The following USF2 variants were observed in gnomAD, a reference collection of about 807,000 sequenced individuals.
USF2 encodes the protein upstream stimulatory factor 2.
A neutral mutation model predicts 46.9 loss-of-function variants in USF2; 16 were observed. That is an observed-to-expected ratio of 0.34 (90% CI 0.23 to 0.52). USF2 has a LOEUF of 0.52. Ranked by LOEUF, USF2 falls within the 20% of genes least tolerant of loss-of-function variation. The pLI is 0.96. For missense variants in USF2, 411 were observed against 474.0 expected (o/e 0.87, Z 1.23); for synonymous variants, 239 against 194.1 (o/e 1.23, Z -1.92).
chr19:35,272,752 G>A (rs2066175082), intron 7 of USF2, among the ~76,000 whole-genome samples: 4 of 151,978 alleles, frequency 2.6e-5, no homozygotes, highest in Admixed American at 6.6e-5. Flanking sequence ...GGGGTTGGGG[G>A]AAATGTGGGG....
chr19:35,270,687 C>T, intron 5 of USF2, 31 bp from the exon 6 acceptor site: 2 of 1,613,404 alleles, frequency 1.2e-6, no homozygotes, highest in Non-Finnish European at 1.7e-6. Flanking sequence ...CTTCACCCTG[C>T]CTTGCCACTA....
chr19:35,270,516 T>C lies in USF2; in HGVS notation c.499T>C (p.Phe167Leu), dbSNP rs1203870304. 1 of 1,614,124 alleles carries C rather than the reference T, an allele frequency of 6.2e-7. No homozygotes were observed. Among genetic ancestry groups the C allele is most frequent in the Admixed American group, 1.7e-5 (1 of 60,020 alleles). ...AAEAVSGEARFAYFPASSVGD... is the reference protein window; with the variant it reads ...AAEAVSGEARLAYFPASSVGD... ...CGAGGCTGTCAGCGGGGAGGCACGA[T>C]TTGCCTATTTCCCAGCGTCCAGTGT... The change falls in exon 5 of 10, where the codon TTT becomes CTT. Residue 167 changes from phenylalanine (F) to leucine (L), a missense_variant. By Grantham distance (22) the Phe-to-Leu change is conservative. Transcript: ENST00000222305.
chr19:35,269,766 C>T (rs1408266020), intron 3 of USF2, 37 bp from the exon 4 acceptor site: 4 of 1,489,810 alleles, frequency 2.7e-6, no homozygotes, highest in Non-Finnish European at 3.6e-6. Flanking sequence ...CGGACCTGGC[C>T]CCAGCGCCGG....
rs1462276403 is a variant in USF2 at position 35,279,388 on chromosome 19, A to C, written c.*132A>C. The C allele has an allele frequency of 2.9e-6, 3 of 1,051,998 alleles. No homozygotes were observed. Among genetic ancestry groups the C allele is most frequent in the African/African-American group, 1.7e-5 (1 of 60,082 alleles). The allele number at this position is 1,051,998 out of a possible 1,614,324, so 65.2% of individuals were successfully genotyped here. ...TTTTATAGTAGATTTTTAACAAAAA[A>C]CGGGGAGAAATAATGCATTTCTGTG... On this transcript the variant is annotated 3_prime_UTR_variant, in exon 10 of 10. Coordinates refer to ENST00000222305, the MANE Select transcript of USF2 (RefSeq NM_003367.4).
Position 35,269,716 on chromosome 19 carries a change from G to A in USF2, c.228+17G>A. ...GGAGGACAGGTGAGCGGCGGGCCGCGAGGGCGAACGGGCGGGCGGGCGGGC... is the reference window on the plus strand; with the variant it reads ...GGAGGACAGGTGAGCGGCGGGCCGCAAGGGCGAACGGGCGGGCGGGCGGGC... On this transcript the variant is annotated intron_variant, in intron 3 of 9. Coordinates refer to ENST00000222305, the MANE Select transcript of USF2 (RefSeq NM_003367.4). The A allele has an allele frequency of 1.5e-6, 2 of 1,374,360 alleles. No homozygotes were observed. Among genetic ancestry groups the A allele is most frequent in the Non-Finnish European group, 1.9e-6 (2 of 1,042,004 alleles). The allele number at this position is 1,374,360 out of a possible 1,614,324, so 85.1% of individuals were successfully genotyped here. A position where few individuals can be genotyped will look rare whatever the true frequency, so the allele number is the denominator to read the frequency against.
rs202123052 is a variant in USF2 at position 35,278,735 on chromosome 19, C to T, written c.765C>T (p.Ile255=). ...GGAGGGACAAGATCAACAACTGGAT[C>T]GTCCAGCTTTCGAAAATCATTCCAG... The part of the protein sequence containing the change: ...RRRRDKINNW[I]VQLSKIIPDC... Residue 255 remains isoleucine, a synonymous_variant, in exon 8 of 10, where the codon ATC becomes ATT. Transcript: ENST00000222305. 1.1e-4 allele frequency: 177 copies of T among 1,614,036 alleles called. No individual in the cohort carries two copies. Among genetic ancestry groups the T allele is most frequent in the Non-Finnish European group, 1.4e-4 (169 of 1,180,024 alleles).
chr19:35,278,649 C>G, intron 7 of USF2, 49 bp from the exon 8 acceptor site: 1 of 1,595,874 alleles, frequency 6.3e-7, no homozygotes, highest in Non-Finnish European at 8.6e-7. Context: ...GACGGCCGCT[C>G]AGGCATGATC....
At chr19:35,274,760 T>G (rs1168425658) in intron 7 of USF2, among the ~76,000 whole-genome samples, 2 of 152,196 alleles carry the variant, frequency 1.3e-5, no homozygotes, top group Non-Finnish European at 2.9e-5. Flanking sequence ...GAGCTGAGAT[T>G]ACCCTCCAGC....
chr19:35,269,707 G>GCGGGCCGCGAGGGCGAA lies in USF2; in HGVS notation c.228+14_228+30dup. 6.8e-7 allele frequency: 1 copy of GCGGGCCGCGAGGGCGAA among 1,478,658 alleles called. No homozygotes were observed. The highest frequency in any genetic ancestry group is 9.0e-7 in the Non-Finnish European group (1 of 1,115,878). The allele number at this position is 1,478,658 out of a possible 1,614,324, so 91.6% of individuals were successfully genotyped here. A position where few individuals can be genotyped will look rare whatever the true frequency, so the allele number is the denominator to read the frequency against. ...GAGACAAATGGAGGACAGGTGAGCG[G>GCGGGCCGCGAGGGCGAA]CGGGCCGCGAGGGCGAACGGGCGGG... On this transcript the variant is annotated intron_variant, in intron 3 of 9. Transcript: ENST00000222305.
intron 4 of USF2, chr19:35,270,229 A>G: frequency 4.5e-6 from 4 of 882,330 alleles, no homozygotes; most frequent in Middle Eastern, 3.6e-4. Flanking sequence ...TTAAGAGGAA[A>G]GTTTCTTAGA....
At position 35,269,439 on chromosome 19, in the gene USF2, C is replaced by T. The variant is rs539849325; in HGVS notation, c.63-7C>T. The T allele has an allele frequency of 2.6e-6, 4 of 1,524,554 alleles. No homozygotes were observed. The highest frequency in any genetic ancestry group is 3.5e-6 in the Non-Finnish European group (4 of 1,145,052). The allele number at this position is 1,524,554 out of a possible 1,614,324, so 94.4% of individuals were successfully genotyped here. A position where few individuals can be genotyped will look rare whatever the true frequency, so the allele number is the denominator to read the frequency against. On this transcript the variant is annotated splice_polypyrimidine_tract_variant and splice_region_variant and intron_variant, in intron 1 of 9. Transcript: ENST00000222305. Reference sequence around the variant, plus strand: ...GCTGACCCTGCTCCCTCCTGTGCCCCTGGCAGCCACGACAAGGGACCCGAG... The same window carrying T: ...GCTGACCCTGCTCCCTCCTGTGCCCTTGGCAGCCACGACAAGGGACCCGAG...
In USF2 at chr19:35,270,504, G is replaced by A. The variant is rs765398782; in HGVS notation, c.487G>A (p.Gly163Arg). 3.1e-6 allele frequency: 5 copies of A among 1,614,152 alleles called. No individual in the cohort carries two copies. Among genetic ancestry groups the A allele is most frequent in the East Asian group, 2.2e-5 (1 of 44,888 alleles). ...CAGTCCGGCGGCCGAGGCTGTCAGC[G>A]GGGAGGCACGATTTGCCTATTTCCC... ...GGSPAAEAVS[G>R]EARFAYFPAS... Residue 163 changes from glycine (G) to arginine (R), a missense_variant, in exon 5 of 10, where the codon GGG (glycine) becomes AGG (arginine). Gly to Arg is a moderately radical substitution (Grantham distance 125). Coordinates refer to ENST00000222305, the MANE Select transcript of USF2 (RefSeq NM_003367.4).
In USF2 at chr19:35,269,506, G is replaced by A; in HGVS notation, c.109+14G>A. On this transcript the variant is annotated intron_variant, in intron 2 of 9. Transcript: ENST00000222305. ...AGCTGCAGGAAGGTGAGTGCTTGCC[G>A]GGCCGGCCGCGCCCGGGGAGGGCTG... 6.5e-7 allele frequency: 1 copy of A among 1,544,944 alleles called. No individual in the cohort carries two copies. Among genetic ancestry groups the A allele is most frequent in the Non-Finnish European group, 8.7e-7 (1 of 1,150,596 alleles).
At position 35,279,059 on chromosome 19, in the gene USF2, G is replaced by A. The variant is rs1200226653; in HGVS notation, c.936G>A (p.Glu312=). 1.2e-6 allele frequency: 2 copies of A among 1,602,082 alleles called. No individual in the cohort carries two copies. The highest frequency in any genetic ancestry group is 4.5e-5 in the East Asian group (2 of 44,686). The change falls in exon 9 of 10, where the codon GAG becomes GAA. Residue 312 remains glutamate, a synonymous_variant. Transcript: ENST00000222305. ...CCGAGCGGCTGCAGATGGACAACGA[G>A]CTCCTGAGGCAGCAGGTGGGTGCGG... ...KEAERLQMDN[E]LLRQQIEELK...
Position 35,269,897 on chromosome 19 carries a change from C to CG in USF2, c.330dup (p.Gln111AlafsTer116), listed in dbSNP as rs1568456012. The CG allele has an allele frequency of 8.6e-6, 12 of 1,400,186 alleles. No individual in the cohort carries two copies. The highest frequency in any genetic ancestry group is 1.6e-5 in the South Asian group (1 of 62,010). The allele number at this position is 1,400,186 out of a possible 1,614,324, so 86.7% of individuals were successfully genotyped here. Reference sequence around the variant, plus strand: ...AGCGTCGTGTCCACCGCTGCCTTCGCGGGGGGGCAGCAGGCTGTGACCCAG... The same window carrying CG: ...AGCGTCGTGTCCACCGCTGCCTTCGCGGGGGGGGCAGCAGGCTGTGACCCAG... On this transcript the variant is annotated frameshift_variant, in exon 4 of 10. Coordinates refer to ENST00000222305, the MANE Select transcript of USF2 (RefSeq NM_003367.4). LOFTEE classifies it high-confidence loss of function.
At position 35,279,103 on chromosome 19, in the gene USF2, G is replaced by A. The variant is rs569286718; in HGVS notation, c.951+29G>A. On this transcript the variant is annotated intron_variant, in intron 9 of 9. Coordinates refer to ENST00000222305, the MANE Select transcript of USF2 (RefSeq NM_003367.4). ...GGTGCGGGGCCTGGAGCGGGTCAGG[G>A]CCCAGGAGCCCCAGATGCAAGGCGC... is the stretch of plus-strand genomic sequence containing the variant. 1.9e-6 allele frequency: 3 copies of A among 1,613,208 alleles called. No individual in the cohort carries two copies. In the African/African-American group the frequency reaches 4.0e-5, roughly 21 times the overall value.
chr19:35,269,989 G>C lies in USF2; in HGVS notation c.415G>C (p.Ala139Pro), dbSNP rs2066125365. 3.0e-6 allele frequency: 4 copies of C among 1,343,250 alleles called. No homozygotes were observed. Among genetic ancestry groups the C allele is most frequent in the Non-Finnish European group, 3.8e-6 (4 of 1,054,274 alleles). 83.2% of individuals were successfully genotyped at this position (1,343,250 alleles called of 1,614,324 possible). The change falls in exon 4 of 10, where the codon GCG becomes CCG. Residue 139 changes from alanine to proline, a missense_variant. Physicochemically the swap from Ala to Pro is conservative, Grantham distance 27. Transcript: ENST00000222305. Reference sequence around the variant, plus strand: ...TGCCTCTGTGCCCCCAGGTCCTGCAGCGCCCTTCCCGCTGGTAGGTGCCCT... The same window carrying C: ...TGCCTCTGTGCCCCCAGGTCCTGCACCGCCCTTCCCGCTGGTAGGTGCCCT... ...AAASVPPGPA[A>P]PFPLAVIQNP...
rs945054656 is a variant in USF2 at position 35,270,859 on chromosome 19, T to C, written c.668+54T>C. ...GGTGTTGAAATGGAAGGAAGAGGGG[T>C]TTCTGGAGTAGAAGCTGGGCAGTTA... On this transcript the variant is annotated intron_variant, in intron 6 of 9. Transcript: ENST00000222305. 2.9e-5 allele frequency: 46 copies of C among 1,604,060 alleles called. No individual in the cohort carries two copies. The African/African-American group carries it at 5.6e-4, about 20-fold the overall frequency.
chr19:35,270,527 C>T lies in USF2; in HGVS notation c.510C>T (p.Phe170=). Residue 170 remains phenylalanine (F), a synonymous_variant, in exon 5 of 10, where the codon TTC becomes TTT. Transcript: ENST00000222305. The part of the protein sequence containing the change: ...AVSGEARFAY[F]PASSVGDTTA... Reference sequence around the variant, plus strand: ...GCGGGGAGGCACGATTTGCCTATTTCCCAGCGTCCAGTGTGGGAGATACTA... The same window carrying T: ...GCGGGGAGGCACGATTTGCCTATTTTCCAGCGTCCAGTGTGGGAGATACTA... 2 of 1,614,174 alleles carry T rather than the reference C, an allele frequency of 1.2e-6. No homozygotes were observed. The highest frequency in any genetic ancestry group is 1.7e-6 in the Non-Finnish European group (2 of 1,180,026).
Sources: gnomAD v4.1 joint callset for allele counts (sites outside exome capture counted in the v4.1 genomes callset) on GRCh38, gnomAD v4.1.1 for gene constraint, MANE v1.5 for transcripts, NCBI Gene and HGNC (gene_info 2026-07-23, HGNC 2026-07-21) for gene names.